The following RARS1 variants were observed in gnomAD, a reference collection of about 807,000 sequenced individuals.
RARS1 encodes the protein arginine--tRNA ligase, cytoplasmic.
Under a neutral mutation model 78.7 loss-of-function variants are expected in RARS1, and 75 were observed. The observed-to-expected ratio is 0.95, with a 90% CI of 0.79 to 1.15. The LOEUF (loss-of-function observed/expected upper bound fraction) is 1.15, where lower values mean the gene tolerates loss of function less well. Ranked by LOEUF, RARS1 falls within the 50% of genes most tolerant of loss-of-function variation. The pLI is 0.00. For missense variants in RARS1, 787 were observed against 787.5 expected (o/e 1.00, Z 0.01); for synonymous variants, 273 against 268.2 (o/e 1.02, Z -0.18).
intron 11 of RARS1, among the ~76,000 whole-genome samples, chr5:168,508,628 A>AAT (rs1277093937): frequency 2.0e-5 from 3 of 151,704 alleles, no homozygotes; most frequent in Non-Finnish European, 4.4e-5. Flanking sequence ...TCAAAAAAAA[A>AAT]AAAAAAAAAA....
intron 2 of RARS1, among the ~76,000 whole-genome samples, chr5:168,489,776 C>A (rs1758043845): frequency 6.6e-6 from 1 of 151,032 alleles, no homozygotes; most frequent in African/African-American, 2.4e-5. Flanking sequence ...ACCTTAGACT[C>A]TATCTTCCCC....
chr5:168,510,648 C>T lies in RARS1; in HGVS notation c.1414C>T (p.Arg472Ter), dbSNP rs180760483. 21 of 1,611,044 alleles carry T rather than the reference C, an allele frequency of 1.3e-5. No individual in the cohort carries two copies. The highest frequency in any genetic ancestry group is 1.0e-4 in the Admixed American group (6 of 59,206). Residue 472 changes from arginine to a stop codon, truncating the protein, a stop_gained, in exon 12 of 15, where the codon CGA becomes TGA. Coordinates refer to ENST00000231572, the MANE Select transcript of RARS1 (RefSeq NM_002887.4). LOFTEE classifies it high-confidence loss of function. ...GGATCTTCTGGGAGAAGGACTAAAA[C>T]GATCCATGGACAAGTTGAAGGAAAA... is the stretch of plus-strand genomic sequence containing the variant. ...LMDLLGEGLK[R>*]SMDKLKEKER...
intron 2 of RARS1, 95 bp from the exon 3 acceptor site, chr5:168,492,564 G>C: frequency 9.1e-7 from 1 of 1,094,938 alleles, no homozygotes; most frequent in Non-Finnish European, 1.3e-6. Context: ...TGGTTCTTAA[G>C]ATATTTGGAG....
At chr5:168,504,857 C>A (rs528465529) in intron 9 of RARS1, among the ~76,000 whole-genome samples, 1 of 151,874 alleles carries the variant, frequency 6.6e-6, no homozygotes, top group East Asian at 1.9e-4. Flanking sequence ...CGTGATCGTG[C>A]ATGCCTGTGG....
intron 4 of RARS1, chr5:168,494,222 T>C (rs1443254303): frequency 1.6e-5 from 16 of 982,444 alleles, no homozygotes; most frequent in Non-Finnish European, 1.8e-5. Flanking sequence ...CTCTCTGTGA[T>C]TCAGTTTTTC....
At chr5:168,504,502 A>C in intron 9 of RARS1, among the ~76,000 whole-genome samples, 1 of 130,736 alleles carries the variant, frequency 7.6e-6, no homozygotes, top group Non-Finnish European at 1.6e-5. Flanking sequence ...CAGCCTGGCG[A>C]CAAAGCAAGA....
chr5:168,513,052 CTTT>C (rs541411053), intron 12 of RARS1, among the ~76,000 whole-genome samples: 1 of 143,788 alleles, frequency 7.0e-6, no homozygotes, highest in African/African-American at 2.5e-5. Context: ...TCTTTCTTTC[CTTT>C]TTTTTTTTGA....
Position 168,519,294 on chromosome 5 carries a change from C to A in RARS1, c.*104C>A. ...ACAAGCATAAGTAAAGAAAATTTGT[C>A]AACCAGGCAAAATGTGGTTCTTTAA... On this transcript the variant is annotated 3_prime_UTR_variant, in exon 15 of 15. Transcript: ENST00000231572. The A allele has an allele frequency of 1.2e-6, 1 of 810,444 alleles. No homozygotes were observed. The highest frequency in any genetic ancestry group is 2.6e-4 in the Middle Eastern group (1 of 3,816). The allele number at this position is 810,444 out of a possible 1,614,324, so 50.2% of individuals were successfully genotyped here.
rs1313741657 is a variant in RARS1 at position 168,510,586 on chromosome 5, A to T, written c.1352A>T (p.Lys451Met). 6.2e-7 allele frequency: 1 copy of T among 1,605,004 alleles called. No individual in the cohort carries two copies. Among genetic ancestry groups the T allele is most frequent in the South Asian group, 1.1e-5 (1 of 88,616 alleles). The change falls in exon 12 of 15, where the codon AAG becomes ATG. Residue 451 changes from lysine (K) to methionine (M), a missense_variant. Lys to Met is a moderately conservative substitution (Grantham distance 95). Transcript: ENST00000231572. ...GGGGGTTTTACATTTTTTAGGAAAA[A>T]GTTTAAAACACGTTCGGGTGAAACA... is the stretch of plus-strand genomic sequence containing the variant. ...FGVVLGEDKK[K>M]FKTRSGETVR...
At chr5:168,487,143 A>G (rs377060190) in intron 1 of RARS1, among the ~76,000 whole-genome samples, 2 of 152,242 alleles carry the variant, frequency 1.3e-5, no homozygotes, top group South Asian at 4.1e-4. Context: ...TGGGCGGATC[A>G]CGATGTCAGG....
intron 13 of RARS1, 125 bp downstream of exon 13, chr5:168,517,075 C>A: frequency 1.0e-6 from 1 of 992,184 alleles, no homozygotes; most frequent in East Asian, 2.5e-5. Context: ...CCTCCCACCT[C>A]AGCCTCCTGA....
intron 2 of RARS1, among the ~76,000 whole-genome samples, chr5:168,489,429 T>C (rs1056174933): frequency 6.6e-6 from 1 of 152,226 alleles, no homozygotes; most frequent in Non-Finnish European, 1.5e-5. Flanking sequence ...AAAATACACC[T>C]GCATATTTTC....
rs759302320 is a variant in RARS1 at position 168,502,384 on chromosome 5, AT to A, written c.1057+291del. 7.6e-3 allele frequency among the ~76,000 whole-genome samples: 961 copies of A among 127,226 alleles called. 12 individuals carry two copies. Among genetic ancestry groups the A allele is most frequent in the African/African-American group, 0.028 (874 of 31,652 alleles). The allele number at this position is 127,226 out of a possible 152,430, so 83.5% of individuals were successfully genotyped here. ...CAAATATATATATATATATATATAT[AT>A]TTTTTTTTTTTAAAACAATCTTGCT... is the stretch of plus-strand genomic sequence containing the variant. On this transcript the variant is annotated intron_variant, in intron 9 of 14. Transcript: ENST00000231572.
At chr5:168,510,537 A>G (rs1458641790) in intron 11 of RARS1, 44 bp from the exon 12 acceptor site, 21 of 1,428,240 alleles carry the variant, frequency 1.5e-5, no homozygotes, top group Non-Finnish European at 2.0e-5. Context: ...TTCTAAGTTG[A>G]AAAGTCTGTT....
chr5:168,487,514 A>G (rs1290063303), intron 1 of RARS1, among the ~76,000 whole-genome samples: 1 of 152,216 alleles, frequency 6.6e-6, no homozygotes, highest in African/African-American at 2.4e-5. Flanking sequence ...AGTCAAGTAA[A>G]TTGGCAAGCT....
chr5:168,501,708 G>C (rs905076270), intron 8 of RARS1, among the ~76,000 whole-genome samples: 3 of 151,600 alleles, frequency 2.0e-5, no homozygotes, highest in Non-Finnish European at 4.4e-5. Flanking sequence ...GGCTGACAGA[G>C]CGAGACTCCA....
intron 5 of RARS1, 58 bp from the exon 6 acceptor site, chr5:168,495,257 C>T: frequency 6.4e-7 from 1 of 1,553,086 alleles, no homozygotes; most frequent in Non-Finnish European, 8.7e-7. Context: ...TTAAAAAAAT[C>T]TTTCTCTCTT....
intron 2 of RARS1, among the ~76,000 whole-genome samples, chr5:168,489,736 T>C (rs1338170617): frequency 6.6e-6 from 1 of 152,154 alleles, no homozygotes; most frequent in African/African-American, 2.4e-5. Context: ...CATTACATCC[T>C]TTTCCCAAAG....
intron 2 of RARS1, among the ~76,000 whole-genome samples, 183 bp downstream of exon 2, chr5:168,488,919 T>C (rs1228090946): frequency 2.0e-5 from 3 of 152,200 alleles, no homozygotes; most frequent in Non-Finnish European, 4.4e-5. Context: ...TAGTGACAAG[T>C]TGGTGTTGTC....
Sources: allele counts gnomAD v4.1 joint callset (sites outside exome capture counted in the v4.1 genomes callset), GRCh38; gene constraint gnomAD v4.1.1; transcripts MANE v1.5; gene names NCBI Gene and HGNC (gene_info 2026-07-23, HGNC 2026-07-21).